The following LVRN variants were observed in gnomAD, a reference collection of about 807,000 sequenced individuals.
The protein encoded by LVRN is laeverin.
Under a neutral mutation model 111.4 loss-of-function variants are expected in LVRN, and 99 were observed. The observed-to-expected ratio is 0.89, with a 90% confidence interval of 0.76 to 1.05. The LOEUF (loss-of-function observed/expected upper bound fraction) is 1.05. Ranked by LOEUF, LVRN falls within the 50% of genes least tolerant of loss-of-function variation. LVRN has a pLI of 0.00. For synonymous variants in LVRN, 488 were observed against 449.5 expected (o/e 1.09, Z -1.08); for missense variants, 1,414 against 1,206.8 (o/e 1.17, Z -2.54).
chr5:116,025,601 C>T (rs528626745), intron 19 of LVRN, among the ~76,000 whole-genome samples: 2 of 152,274 alleles, frequency 1.3e-5, no homozygotes, highest in African/African-American at 2.4e-5. Context: ...TTTTGAGCTT[C>T]GGAAGTTGCA....
At position 116,012,403 on chromosome 5, in the gene LVRN, A is replaced by G; in HGVS notation, c.2277A>G (p.Ile759Met). The G allele has an allele frequency of 6.6e-7, 1 of 1,526,674 alleles. No individual in the cohort carries two copies. The highest frequency in any genetic ancestry group is 9.0e-7 in the Non-Finnish European group (1 of 1,108,772). 94.6% of individuals were successfully genotyped at this position (1,526,674 alleles called of 1,614,324 possible). ...ACCTATTAAAGAGACTTAATTTAAT[A>G]TGGAATATTTATTCAACTATAATTC... ...KRYLLKRLNL[I>M]WNIYSTIIRE... The change falls in exon 15 of 20, where the codon ATA becomes ATG. Residue 759 changes from isoleucine (I) to methionine (M), a missense_variant. Ile to Met is a conservative substitution (Grantham distance 10, BLOSUM62 1). Coordinates refer to ENST00000357872, the MANE Select transcript of LVRN (RefSeq NM_173800.5).
At chr5:115,977,540 T>C (rs1753473889) in intron 1 of LVRN, among the ~76,000 whole-genome samples, 1 of 152,218 alleles carries the variant, frequency 6.6e-6, no homozygotes, top group Non-Finnish European at 1.5e-5. Flanking sequence ...GAAGTCTCAT[T>C]ATCTTTAGAT....
intron 1 of LVRN, among the ~76,000 whole-genome samples, chr5:115,981,459 A>G (rs1753558421): frequency 6.6e-6 from 1 of 152,108 alleles, no homozygotes; most frequent in Admixed American, 6.6e-5. Context: ...TTTTGTGGGT[A>G]TAATAGTAGG....
intron 6 of LVRN, among the ~76,000 whole-genome samples, chr5:115,998,507 G>C (rs368226160): frequency 8.5e-5 from 13 of 152,178 alleles, no homozygotes; most frequent in African/African-American, 2.9e-4. Flanking sequence ...CTTAGGGTGC[G>C]ATATTATGGG....
At chr5:116,024,231 T>G (rs1748816042) in intron 19 of LVRN, among the ~76,000 whole-genome samples, 1 of 152,146 alleles carries the variant, frequency 6.6e-6, no homozygotes, top group Non-Finnish European at 1.5e-5. Flanking sequence ...GTACATAAAT[T>G]AAATCCCGAT....
chr5:115,963,241 C>A lies in LVRN; in HGVS notation c.624C>A (p.Phe208Leu), dbSNP rs1182626431. 3.7e-6 allele frequency: 6 copies of A among 1,612,880 alleles called. No homozygotes were observed. The highest frequency in any genetic ancestry group is 5.1e-6 in the Non-Finnish European group (6 of 1,179,918). Residue 208 changes from phenylalanine to leucine, a missense_variant, in exon 1 of 20, where the codon TTC (phenylalanine) becomes TTA (leucine). By Grantham distance (22) the Phe-to-Leu change is conservative. Coordinates refer to ENST00000357872, the MANE Select transcript of LVRN (RefSeq NM_173800.5). ...PGSSYELQLS[F>L]SGLVKEDLRE... ...GCAGCTACGAGCTGCAGCTTAGCTT[C>A]TCGGGCCTGGTGAAGGAAGACCTCA...
At position 116,005,785 on chromosome 5, in the gene LVRN, G is replaced by A. The variant is rs771495767; in HGVS notation, c.2038-127G>A. ...TGTCCTCAGTAATTGTTGTTTCTCT[G>A]CAGATGAGATAAGTCACGTGAAGGT... is the stretch of plus-strand genomic sequence containing the variant. On this transcript the variant is annotated intron_variant, in intron 12 of 19. Transcript: ENST00000357872. 6.7e-6 allele frequency: 5 copies of A among 749,018 alleles called. No homozygotes were observed. In the South Asian group the frequency reaches 7.1e-5, roughly 11 times the overall value. The allele number at this position is 749,018 out of a possible 1,614,324, so 46.4% of individuals were successfully genotyped here. A position where few individuals can be genotyped will look rare whatever the true frequency, so the allele number is the denominator to read the frequency against.
Position 115,963,042 on chromosome 5 carries a change from C to A in LVRN, c.425C>A (p.Ser142Tyr), listed in dbSNP as rs767086948. ...NITVRCTVAT[S>Y]RLLLHSLFQD... ...ACGGTGCGCTGCACGGTGGCCACCT[C>A]TCGACTGCTGCTGCATAGCCTCTTC... is the stretch of plus-strand genomic sequence containing the variant. The change falls in exon 1 of 20, where the codon TCT becomes TAT. Residue 142 changes from serine (S) to tyrosine (Y), a missense_variant. Transcript: ENST00000357872. 6.0e-5 allele frequency: 97 copies of A among 1,613,644 alleles called. No individual in the cohort carries two copies. Among genetic ancestry groups the A allele is most frequent in the Non-Finnish European group, 7.6e-5 (90 of 1,179,954 alleles).
intron 12 of LVRN, 91 bp downstream of exon 12, chr5:116,003,471 C>CCACCTTCATTCCCGCCCCT: frequency 1.2e-6 from 1 of 842,568 alleles, no homozygotes; most frequent in Non-Finnish European, 1.7e-6. Context: ...GGAAGAGATT[C>CCACCTTCATTCCCGCCCCT]CACCTTCATT....
intron 6 of LVRN, 34 bp from the exon 7 acceptor site, chr5:115,999,728 A>G (rs752313082): frequency 1.9e-6 from 3 of 1,609,036 alleles, no homozygotes; most frequent in Non-Finnish European, 2.5e-6. Flanking sequence ...GTGACACCTC[A>G]GGAGTTAATG....
At chr5:116,013,030 G>A (rs1748523877) in intron 15 of LVRN, among the ~76,000 whole-genome samples, 1 of 152,074 alleles carries the variant, frequency 6.6e-6, no homozygotes, top group Admixed American at 6.6e-5. Context: ...GAGGCAAAAT[G>A]GGGTGGTAGT....
At position 116,003,237 on chromosome 5, in the gene LVRN, A is replaced by C; in HGVS notation, c.1898-4A>C. Reference sequence around the variant, plus strand: ...TTTCAAATTATTCCCATATTCCTTTATAGAAGTATTCCCAGAAATGCAAGT... The same window carrying C: ...TTTCAAATTATTCCCATATTCCTTTCTAGAAGTATTCCCAGAAATGCAAGT... On this transcript the variant is annotated splice_polypyrimidine_tract_variant and splice_region_variant and intron_variant, in intron 11 of 19. Coordinates refer to ENST00000357872, the MANE Select transcript of LVRN (RefSeq NM_173800.5). The C allele has an allele frequency of 1.3e-6, 2 of 1,575,062 alleles. No individual in the cohort carries two copies. Among genetic ancestry groups the C allele is most frequent in the African/African-American group, 1.4e-5 (1 of 72,944 alleles).
intron 19 of LVRN, chr5:116,023,636 G>A (rs1484499218): frequency 1.3e-5 from 2 of 152,240 alleles, no homozygotes; most frequent in East Asian, 1.9e-4. Context: ...AAAAAGGGCT[G>A]TAACCAGAAA....
chr5:115,970,145 G>T (rs964512541), intron 1 of LVRN, among the ~76,000 whole-genome samples: 21 of 152,080 alleles, frequency 1.4e-4, no homozygotes, highest in Non-Finnish European at 2.5e-4. Context: ...TACATATGTG[G>T]TGGTGAAACC....
At position 116,005,971 on chromosome 5, in the gene LVRN, A is replaced by G; in HGVS notation, c.2093+4A>G. The G allele has an allele frequency of 6.3e-7, 1 of 1,586,690 alleles. No individual in the cohort carries two copies. Among genetic ancestry groups the G allele is most frequent in the Non-Finnish European group, 8.7e-7 (1 of 1,155,632 alleles). On this transcript the variant is annotated splice_donor_region_variant and intron_variant, in intron 13 of 19. Coordinates refer to ENST00000357872, the MANE Select transcript of LVRN (RefSeq NM_173800.5). ...ATGATGCCTTTTCCTTGTCTAAGTGAGTATATTTTCTTCTCTCATGGTTTC... is the reference window on the plus strand; with the variant it reads ...ATGATGCCTTTTCCTTGTCTAAGTGGGTATATTTTCTTCTCTCATGGTTTC...
In LVRN at chr5:116,009,588, C is replaced by T. The variant is rs969622322; in HGVS notation, c.2094-1153C>T. 3.3e-5 allele frequency among the ~76,000 whole-genome samples: 5 copies of T among 152,080 alleles called. No homozygotes were observed. The South Asian group carries it at 8.3e-4, about 25-fold the overall frequency. ...ATGCATGAAAGGAGGTAAAAAAAAT[C>T]AATATAAACAGGAGTTTTGAAGAAG... On this transcript the variant is annotated intron_variant, in intron 13 of 19. Coordinates refer to ENST00000357872, the MANE Select transcript of LVRN (RefSeq NM_173800.5).
chr5:115,978,690 G>GT (rs1753497350), intron 1 of LVRN, among the ~76,000 whole-genome samples: 1 of 152,154 alleles, frequency 6.6e-6, no homozygotes, highest in African/African-American at 2.4e-5. Flanking sequence ...TCTTGGGCTA[G>GT]TTTTTAGGAT....
At chr5:115,991,075 G>A (rs1747974537) in intron 4 of LVRN, among the ~76,000 whole-genome samples, 1 of 151,900 alleles carries the variant, frequency 6.6e-6, no homozygotes, top group Admixed American at 6.6e-5. Flanking sequence ...TTTATCTTAG[G>A]GTTCAGTTTT....
intron 1 of LVRN, among the ~76,000 whole-genome samples, chr5:115,966,468 T>C (rs1469540994): frequency 3.9e-5 from 6 of 152,208 alleles, no homozygotes; most frequent in Non-Finnish European, 7.3e-5. Context: ...TTTTAGTTGT[T>C]TCCAGTTTTT....
Sources: allele counts gnomAD v4.1 joint callset (sites outside exome capture counted in the v4.1 genomes callset), GRCh38; gene constraint gnomAD v4.1.1; transcripts MANE v1.5; gene names NCBI Gene and HGNC (gene_info 2026-07-23, HGNC 2026-07-21).